The following POLN variants were observed in gnomAD, a reference collection of about 807,000 sequenced individuals.
POLN encodes the protein DNA polymerase nu, also known as DNA polymerase N.
POLN carries 108 observed loss-of-function variants against 113.5 expected under a neutral mutation model. That is an observed-to-expected ratio of 0.95 (90% confidence interval 0.81 to 1.12). POLN has a LOEUF of 1.12. POLN is among the 50% of genes most tolerant of loss of function. The pLI, the probability that POLN is intolerant of heterozygous loss-of-function variation, is 0.00. For synonymous variants in POLN, 386 were observed against 391.5 expected, an observed-to-expected ratio of 0.99 and a Z score of 0.17; for missense variants, 1,097 against 1,077.1, an observed-to-expected ratio of 1.02 and a Z score of -0.26.
At chr4:2,084,637 T>C (rs1387988003) in intron 21 of POLN, among the ~76,000 whole-genome samples, 2 of 152,194 alleles carry the variant, frequency 1.3e-5, no homozygotes, top group African/African-American at 4.8e-5. Flanking sequence ...GGCTTGGGCA[T>C]GGGCCCCAGA....
At chr4:2,097,267 A>C (rs1456939909) in intron 19 of POLN, among the ~76,000 whole-genome samples, 1 of 152,040 alleles carries the variant, frequency 6.6e-6, no homozygotes, top group African/African-American at 2.4e-5. Flanking sequence ...AGAAGCAGGG[A>C]CCAGGTCCCA....
Position 2,085,716 on chromosome 4 carries a change from TCC to T in POLN, c.2092_2093del (p.Gly698SerfsTer54). 1 of 1,613,950 alleles carries T rather than the reference TCC, an allele frequency of 6.2e-7. No homozygotes were observed. The highest frequency in any genetic ancestry group is 2.2e-5 in the East Asian group (1 of 44,892). On this transcript the variant is annotated frameshift_variant, in exon 21 of 26. Transcript: ENST00000511885. LOFTEE classifies it high-confidence loss of function. ...AGKERLAACLGVPIQEAAQFL... is the reference protein window; with the variant it reads ...AGKERLAACLXVPIQEAAQFL... ...ACTGGGCAGCTTCCTGAATAGGAAC[TCC>T]AAGGCAAGCAGCCAGCCGCTCCTTC...
intron 19 of POLN, among the ~76,000 whole-genome samples, chr4:2,103,626 G>A (rs770151483): frequency 6.6e-6 from 1 of 152,132 alleles, no homozygotes; most frequent in Non-Finnish European, 1.5e-5. Context: ...AAAATACAAT[G>A]TGAAAAGGAC....
At chr4:2,228,890 T>C (rs1174204773) in intron 3 of POLN, 1 of 417,168 alleles carries the variant, frequency 2.4e-6, no homozygotes, top group African/African-American at 2.1e-5. Context: ...ATACCTGGAA[T>C]AAGGAAGAGA....
intron 20 of POLN, among the ~76,000 whole-genome samples, chr4:2,092,173 C>T (rs1455027902): frequency 3.3e-5 from 5 of 152,216 alleles, no homozygotes; most frequent in African/African-American, 1.2e-4. Context: ...TCTCCTCTGA[C>T]AGGTGCGAGC....
intron 16 of POLN, among the ~76,000 whole-genome samples, chr4:2,135,123 A>G (rs761289166): frequency 1.1e-4 from 17 of 152,338 alleles, no homozygotes; most frequent in Admixed American, 2.6e-4. Context: ...TACAAGTCAC[A>G]TAACGCAGGG....
chr4:2,241,719 C>T lies in POLN; in HGVS notation c.-212G>A. 1.0e-6 allele frequency: 1 copy of T among 985,514 alleles called. No homozygotes were observed. The highest frequency in any genetic ancestry group is 1.2e-6 in the Non-Finnish European group (1 of 829,960). 61.0% of individuals were successfully genotyped at this position (985,514 alleles called of 1,614,324 possible). On this transcript the variant is annotated 5_prime_UTR_variant, in exon 2 of 26. Transcript: ENST00000511885. ...GCCCCAGGGATCCGCGGCCCCAAGG[C>T]CGCGATACACCAGACGCGCCAGCGG...
At chr4:2,121,833 T>C (rs1334490392) in intron 19 of POLN, among the ~76,000 whole-genome samples, 4 of 152,052 alleles carry the variant, frequency 2.6e-5, no homozygotes, top group Non-Finnish European at 4.4e-5. Flanking sequence ...CTATTGTCAA[T>C]TTCATTGATT....
chr4:2,118,249 G>A (rs1036367103), intron 19 of POLN, among the ~76,000 whole-genome samples: 1 of 152,162 alleles, frequency 6.6e-6, no homozygotes, highest in Non-Finnish European at 1.5e-5. Flanking sequence ...CTGGTGTGTT[G>A]GCAGTAGGTA....
intron 20 of POLN, chr4:2,089,920 A>G (rs754330977): frequency 3.7e-5 from 37 of 989,712 alleles, no homozygotes; most frequent in Non-Finnish European, 5.6e-5. Context: ...ATCTCTTGAC[A>G]TATCAGGAAT....
In POLN at chr4:2,192,546, C is replaced by G. The variant is rs36051301; in HGVS notation, c.1021+658G>C. ...GTAGAGACAGGGTTTCACCATGTTGCCCAGGCTGGTCTTGAACTCCTGACC... is the reference window on the plus strand; with the variant it reads ...GTAGAGACAGGGTTTCACCATGTTGGCCAGGCTGGTCTTGAACTCCTGACC... On this transcript the variant is annotated intron_variant, in intron 7 of 25. Coordinates refer to ENST00000511885, the MANE Select transcript of POLN (RefSeq NM_181808.4). Among the ~76,000 whole-genome samples the G allele has an allele frequency of 1.2e-3, 181 of 152,014 alleles. 2 individuals carry two copies. The East Asian group carries it at 0.032, about 27-fold the overall frequency.
At chr4:2,105,479 GA>G in intron 19 of POLN, among the ~76,000 whole-genome samples, 1 of 151,946 alleles carries the variant, frequency 6.6e-6, no homozygotes, top group East Asian at 1.9e-4. Flanking sequence ...TAAAGCAAAG[GA>G]ATTAAGAGGA....
chr4:2,095,059 C>T (rs1000800283), intron 20 of POLN, among the ~76,000 whole-genome samples: 2 of 152,024 alleles, frequency 1.3e-5, no homozygotes, highest in South Asian at 4.2e-4. Flanking sequence ...CATGCTGATT[C>T]AGCATGACCC....
At position 2,240,480 on chromosome 4, in the gene POLN, T is replaced by C. The variant is rs762516482; in HGVS notation, c.-13+1040A>G. Reference sequence around the variant, plus strand: ...ATTACTGATCTTAGTGATCATTGCATTTAGAATTCCTTGACTCTGCTTCAG... The same window carrying C: ...ATTACTGATCTTAGTGATCATTGCACTTAGAATTCCTTGACTCTGCTTCAG... On this transcript the variant is annotated intron_variant, in intron 2 of 25. Coordinates refer to ENST00000511885, the MANE Select transcript of POLN (RefSeq NM_181808.4). 5.6e-6 allele frequency: 9 copies of C among 1,613,770 alleles called. No homozygotes were observed. In the Admixed American group the frequency reaches 1.0e-4, roughly 18 times the overall value.
At chr4:2,114,403 C>T (rs1731270232) in intron 19 of POLN, among the ~76,000 whole-genome samples, 1 of 152,082 alleles carries the variant, frequency 6.6e-6, no homozygotes, top group Non-Finnish European at 1.5e-5. Flanking sequence ...CCTCTTTTAC[C>T]ATTTCTAGTA....
rs771315847 is a variant in POLN at position 2,236,437 on chromosome 4, C to T, written c.-13+5083G>A. ...AACAATTCTTTTTTCTTATTCTCTC[C>T]CTCCAAAACTTGGTAAAGCCTGAAA... On this transcript the variant is annotated intron_variant, in intron 2 of 25. Coordinates refer to ENST00000511885, the MANE Select transcript of POLN (RefSeq NM_181808.4). 9.3e-6 allele frequency: 15 copies of T among 1,610,574 alleles called. No homozygotes were observed. Among genetic ancestry groups the T allele is most frequent in the Non-Finnish European group, 1.1e-5 (13 of 1,177,336 alleles).
At chr4:2,233,399 T>C (rs1208856047) in intron 2 of POLN, among the ~76,000 whole-genome samples, 2 of 152,058 alleles carry the variant, frequency 1.3e-5, no homozygotes, top group Non-Finnish European at 2.9e-5. Context: ...CTGATAAGAT[T>C]AGAGTGAGAT....
In POLN at chr4:2,208,302, C is replaced by T; in HGVS notation, c.399G>A (p.Gly133=). The change falls in exon 5 of 26, where the codon GGG becomes GGA. Residue 133 remains glycine (G), a synonymous_variant. Coordinates refer to ENST00000511885, the MANE Select transcript of POLN (RefSeq NM_181808.4). ...CCATTAGGAAATGCTTTCTTTTATG[C>T]CCCTTTTTCTGTAGAACTGAAGCCT... The part of the protein sequence containing the change: ...NQEASVLQKK[G]HKRKHFLMEN... The T allele has an allele frequency of 1.9e-6, 3 of 1,602,366 alleles. No homozygotes were observed. The South Asian group carries it at 3.4e-5, about 18-fold the overall frequency.
intron 16 of POLN, chr4:2,156,461 C>A (rs1367597775): frequency 2.0e-6 from 1 of 490,744 alleles, no homozygotes; most frequent in Admixed American, 2.3e-5. Flanking sequence ...GATACTTCAA[C>A]ACATTTCTGG....
Sources: allele counts gnomAD v4.1 joint callset (sites outside exome capture counted in the v4.1 genomes callset), GRCh38; gene constraint gnomAD v4.1.1; transcripts MANE v1.5; gene names NCBI Gene and HGNC (gene_info 2026-07-23, HGNC 2026-07-21).